The following NALF1 variants were observed in gnomAD, a reference collection of about 807,000 sequenced individuals.
NALF1 encodes the protein family with sequence similarity 155 member A.
A neutral mutation model predicts 48.4 loss-of-function variants in NALF1; 3 were observed. The ratio of observed to expected loss-of-function variants is 0.06; its 90% CI spans 0.03 to 0.16. The LOEUF (loss-of-function observed/expected upper bound fraction) is 0.16. NALF1 is among the 10% of genes least tolerant of loss of function. NALF1 has a pLI of 1.00. For missense variants in NALF1, 526 were observed against 571.5 expected, an observed-to-expected ratio of 0.92 and a Z score of 0.81; for synonymous variants, 262 against 245.7, an observed-to-expected ratio of 1.07 and a Z score of -0.62.
intron 1 of NALF1, among the ~76,000 whole-genome samples, chr13:107,250,155 G>A (rs568878174): frequency 4.0e-5 from 6 of 151,028 alleles, no homozygotes; most frequent in South Asian, 4.2e-4. Flanking sequence ...AAGTACAGAC[G>A]ACATAAATTC....
intron 1 of NALF1, among the ~76,000 whole-genome samples, chr13:107,303,957 A>G (rs1320196212): frequency 4.6e-5 from 7 of 152,096 alleles, no homozygotes; most frequent in Non-Finnish European, 2.9e-5. Flanking sequence ...AATATAATCT[A>G]TTTCTCTGGG....
chr13:107,818,421 C>CT (rs1279068807), intron 1 of NALF1, among the ~76,000 whole-genome samples: 1 of 152,074 alleles, frequency 6.6e-6, no homozygotes, highest in Non-Finnish European at 1.5e-5. Context: ...GAAGTAGGGT[C>CT]TGCACATAGC....
At chr13:107,565,054 G>C (rs1393439075) in intron 1 of NALF1, among the ~76,000 whole-genome samples, 1 of 128,924 alleles carries the variant, frequency 7.8e-6, no homozygotes, top group African/African-American at 2.9e-5. Context: ...GGAAACAAGG[G>C]GTGATATCTG....
intron 1 of NALF1, among the ~76,000 whole-genome samples, chr13:107,683,348 ATC>A (rs1225512606): frequency 6.6e-6 from 1 of 152,236 alleles, no homozygotes; most frequent in African/African-American, 2.4e-5. Context: ...TTAAAAAAAT[ATC>A]TGATTTAGTA....
intron 1 of NALF1, among the ~76,000 whole-genome samples, chr13:107,815,260 A>ATT (rs35678367): frequency 4.0e-5 from 6 of 151,418 alleles, no homozygotes; most frequent in African/African-American, 1.2e-4. Flanking sequence ...CATGTAACTG[A>ATT]TTTTTTTTAA....
intron 1 of NALF1, among the ~76,000 whole-genome samples, chr13:107,222,541 C>A (rs1256452270): frequency 6.6e-6 from 1 of 152,202 alleles, no homozygotes; most frequent in Non-Finnish European, 1.5e-5. Flanking sequence ...AACAGATTAT[C>A]TTGTGCATGT....
chr13:107,428,677 C>G (rs191289533), intron 1 of NALF1, among the ~76,000 whole-genome samples: 1 of 152,264 alleles, frequency 6.6e-6, no homozygotes, highest in Admixed American at 6.5e-5. Flanking sequence ...TTTTCAAAAA[C>G]AAAACAAAAC....
intron 1 of NALF1, among the ~76,000 whole-genome samples, chr13:107,434,006 T>C (rs1254828636): frequency 6.6e-6 from 1 of 152,150 alleles, no homozygotes; most frequent in African/African-American, 2.4e-5. Flanking sequence ...CAATTTTCCA[T>C]TGAACTAGGA....
intron 1 of NALF1, among the ~76,000 whole-genome samples, chr13:107,371,761 T>A (rs1164098094): frequency 6.6e-6 from 1 of 152,184 alleles, no homozygotes; most frequent in African/African-American, 2.4e-5. Flanking sequence ...GTAATTAACC[T>A]CCCAAAATCA....
At chr13:107,208,316 C>T (rs1879686392) in intron 2 of NALF1, among the ~76,000 whole-genome samples, 2 of 152,142 alleles carry the variant, frequency 1.3e-5, no homozygotes, top group African/African-American at 4.8e-5. Context: ...TTTCCTGCCA[C>T]TTTTCCTTAA....
chr13:107,787,752 A>T (rs1490966343), intron 1 of NALF1, among the ~76,000 whole-genome samples: 1 of 151,992 alleles, frequency 6.6e-6, no homozygotes, highest in South Asian at 2.1e-4. Context: ...TCTGTCTCAT[A>T]GAAAATACTT....
chr13:107,617,167 A>G (rs1193057072), intron 1 of NALF1, among the ~76,000 whole-genome samples: 1 of 152,218 alleles, frequency 6.6e-6, no homozygotes, highest in Non-Finnish European at 1.5e-5. Context: ...AAATTGGAAC[A>G]TATTCATATC....
chr13:107,293,210 G>A (rs2138884729), intron 1 of NALF1, among the ~76,000 whole-genome samples: 1 of 151,930 alleles, frequency 6.6e-6, no homozygotes, highest in Non-Finnish European at 1.5e-5. Flanking sequence ...TCGATCTCCT[G>A]ACCTCATGAT....
chr13:107,171,648 G>A (rs1594053254), intron 2 of NALF1, among the ~76,000 whole-genome samples: 1 of 152,298 alleles, frequency 6.6e-6, no homozygotes, highest in Non-Finnish European at 1.5e-5. Flanking sequence ...AACTTTGGAA[G>A]TGGTGAAAAG....
intron 1 of NALF1, among the ~76,000 whole-genome samples, chr13:107,241,328 G>A (rs1295784026): frequency 2.6e-5 from 4 of 152,152 alleles, no homozygotes; most frequent in Non-Finnish European, 5.9e-5. Flanking sequence ...GGCCGTGGAT[G>A]TCCTCGCCGA....
At chr13:107,367,479 C>A (rs9520405) in intron 1 of NALF1, among the ~76,000 whole-genome samples, 107,531 of 152,012 alleles carry the variant, frequency 0.71, 38,928 homozygotes, top group Non-Finnish European at 0.79. Flanking sequence ...ATCAGTCATG[C>A]GTTTCCCATT....
chr13:107,262,378 A>G (rs9520353), intron 1 of NALF1, among the ~76,000 whole-genome samples: 38,361 of 152,072 alleles, frequency 0.25, 5,634 homozygotes, highest in East Asian at 0.52. Flanking sequence ...TCACGCTGCT[A>G]CACTCCAACC....
At chr13:107,352,444 A>C (rs116684114) in intron 1 of NALF1, among the ~76,000 whole-genome samples, 7,169 of 152,184 alleles carry the variant, frequency 0.047, 223 homozygotes, top group African/African-American at 0.074. Context: ...TCAGTGGCTT[A>C]AATCACAAAC....
intron 1 of NALF1, among the ~76,000 whole-genome samples, chr13:107,530,876 C>G (rs975206418): frequency 2.6e-5 from 4 of 151,918 alleles, no homozygotes; most frequent in African/African-American, 9.7e-5. Context: ...AATATGAAAA[C>G]CAGCAGGATT....
Sources: gnomAD v4.1 joint callset for allele counts (sites outside exome capture counted in the v4.1 genomes callset) on GRCh38, gnomAD v4.1.1 for gene constraint, MANE v1.5 for transcripts, NCBI Gene and HGNC (gene_info 2026-07-23, HGNC 2026-07-21) for gene names.